Variants in RHCG observed in about 807,000 individuals in gnomAD.
RHCG encodes Rh family C glycoprotein, also known as ammonium transporter Rh type C.
RHCG carries 39 observed loss-of-function variants against 55.3 expected under a neutral mutation model. That is an observed-to-expected ratio of 0.70 (90% CI 0.55 to 0.92). The LOEUF is 0.92. Ranked by LOEUF, RHCG falls within the 40% of genes least tolerant of loss-of-function variation. RHCG has a pLI of 0.00. For synonymous variants in RHCG, 250 were observed against 246.8 expected, an observed-to-expected ratio of 1.01 and a Z score of -0.12; for missense variants, 635 against 627.9, an observed-to-expected ratio of 1.01 and a Z score of -0.12.
chr15:89,474,705 G>A (rs1961099195), intron 9 of RHCG, among the ~76,000 whole-genome samples: 1 of 152,200 alleles, frequency 6.6e-6, no homozygotes, highest in Admixed American at 6.5e-5. Context: ...TCAGTTGCCT[G>A]CCTGCTGCCT....
At chr15:89,476,297 CA>C (rs1427438534) in intron 9 of RHCG, among the ~76,000 whole-genome samples, 1 of 152,156 alleles carries the variant, frequency 6.6e-6, no homozygotes, top group Non-Finnish European at 1.5e-5. Flanking sequence ...CTCAAACCCC[CA>C]GGCTCAAGCT....
At chr15:89,487,668 T>C (rs1349047821) in intron 1 of RHCG, among the ~76,000 whole-genome samples, 1 of 152,194 alleles carries the variant, frequency 6.6e-6, no homozygotes, top group Non-Finnish European at 1.5e-5. Flanking sequence ...GGTGGATGAC[T>C]CTGGGAAAGT....
intron 2 of RHCG, 37 bp from the exon 3 acceptor site, chr15:89,483,254 T>C (rs4932134): frequency 0.22 from 329,563 of 1,467,340 alleles, 39,128 homozygotes; most frequent in African/African-American, 0.42. Context: ...GCTGGGGCAA[T>C]AGCAAAAAGT....
Position 89,477,590 on chromosome 15 carries a change from G to A in RHCG, c.1039C>T (p.Pro347Ser). The A allele has an allele frequency of 6.2e-7, 1 of 1,614,168 alleles. No homozygotes were observed. Among genetic ancestry groups the A allele is most frequent in the South Asian group, 1.1e-5 (1 of 91,080 alleles). Residue 347 changes from proline to serine, a missense_variant, in exon 7 of 11, where the codon CCT (proline) becomes TCT (serine). Coordinates refer to ENST00000268122, the MANE Select transcript of RHCG (RefSeq NM_016321.3). The surrounding 1 kb of genome is among the most constrained non-coding windows in gnomAD (Gnocchi z 4.5). The part of the protein sequence containing the change: ...TCGINNLHGI[P>S]GIIGGIVGAV... Reference sequence around the variant, plus strand: ...CCCACGATGCCGCCTATGATGCCAGGAATGCCATGCAGATTGTTAATGCCA... The same window carrying A: ...CCCACGATGCCGCCTATGATGCCAGAAATGCCATGCAGATTGTTAATGCCA...
rs1567223335 is a variant in RHCG, at chr15:89,472,830, C to T, written c.1345G>A (p.Glu449Lys). The T allele has an allele frequency of 1.9e-6, 3 of 1,545,436 alleles. No homozygotes were observed. Among genetic ancestry groups the T allele is most frequent in the South Asian group, 2.4e-5 (2 of 83,300 alleles). ...PEGNSTVYIPEDPTFKPSGPS... is the reference protein window; with the variant it reads ...PEGNSTVYIPKDPTFKPSGPS... ...CCTGAGGGCTTGAAGGTGGGGTCCTCAGGGATGTAGACAGTGCTGTTCCCT... is the reference window on the plus strand; with the variant it reads ...CCTGAGGGCTTGAAGGTGGGGTCCTTAGGGATGTAGACAGTGCTGTTCCCT... The change falls in exon 10 of 11, where the codon GAG becomes AAG. Residue 449 changes from glutamate to lysine, a missense_variant. Coordinates refer to ENST00000268122, the MANE Select transcript of RHCG (RefSeq NM_016321.3).
intron 3 of RHCG, among the ~76,000 whole-genome samples, 160 bp downstream of exon 3, chr15:89,482,907 G>A (rs1338638434): frequency 6.6e-6 from 1 of 152,200 alleles, no homozygotes; most frequent in Non-Finnish European, 1.5e-5. Context: ...CTGCCTGGTA[G>A]ATATTATTAC....
chr15:89,480,153 T>C (rs1961237517), intron 4 of RHCG, 108 bp downstream of exon 4: 2 of 1,448,742 alleles, frequency 1.4e-6, no homozygotes, highest in South Asian at 2.4e-5. Context: ...GGTCTGATCA[T>C]GGTGGCCTTC....
chr15:89,484,636 T>C (rs960586164), intron 2 of RHCG, among the ~76,000 whole-genome samples: 1 of 151,912 alleles, frequency 6.6e-6, no homozygotes, highest in African/African-American at 2.4e-5. Context: ...AAAAATTAGC[T>C]GGGCTTGGTG....
In RHCG at chr15:89,479,320, A is replaced by G. The variant is rs1365327664; in HGVS notation, c.837+2T>C. ...CCACACCCCCAACGCCCTCATGCTC[A>G]CCATGTCCAGCTTGCCCTTCTTGTG... On this transcript the variant is annotated splice_donor_variant, in intron 5 of 10. Transcript: ENST00000268122. LOFTEE classifies it high-confidence loss of function. 1.2e-6 allele frequency: 2 copies of G among 1,612,338 alleles called. No homozygotes were observed. The highest frequency in any genetic ancestry group is 1.7e-6 in the Non-Finnish European group (2 of 1,179,206).
intron 1 of RHCG, among the ~76,000 whole-genome samples, chr15:89,489,491 T>G (rs1170954743): frequency 1.3e-5 from 2 of 152,078 alleles, no homozygotes; most frequent in Non-Finnish European, 2.9e-5. Flanking sequence ...TATTTCCAAG[T>G]AAACAGTCAA....
At chr15:89,475,285 G>A (rs1338880413) in intron 9 of RHCG, among the ~76,000 whole-genome samples, 1 of 151,446 alleles carries the variant, frequency 6.6e-6, no homozygotes, top group African/African-American at 2.4e-5. Context: ...ATCCAGGCTG[G>A]AGGGCAGTGG....
chr15:89,484,688 G>A (rs529302009), intron 2 of RHCG, among the ~76,000 whole-genome samples: 4 of 150,950 alleles, frequency 2.6e-5, no homozygotes, highest in African/African-American at 9.8e-5. Context: ...GCTGAGGCAT[G>A]AGAATCACTT....
Position 89,477,269 on chromosome 15 carries a change from A to T in RHCG, c.1113-63T>A. On this transcript the variant is annotated intron_variant, in intron 7 of 10. Coordinates refer to ENST00000268122, the MANE Select transcript of RHCG (RefSeq NM_016321.3). The surrounding 1 kb of genome is among the most constrained non-coding windows in gnomAD (Gnocchi z 4.5). ...AGAGGCCAAGTAACAGCTTGCTGCC[A>T]CCCCAAAAATGTGACCGGGTACCAC... The T allele has an allele frequency of 4.4e-6, 7 of 1,599,600 alleles. No homozygotes were observed. The South Asian group carries it at 7.8e-5, about 18-fold the overall frequency.
rs572086279 is a variant in RHCG, at chr15:89,494,873, G to A, written c.184+1488C>T. ...TGAGGACCTGTGAACGCCCATGGGA[G>A]TTCTTGCCCCTTATGCTCTGGGGTC... On this transcript the variant is annotated intron_variant, in intron 1 of 10. Coordinates refer to ENST00000268122, the MANE Select transcript of RHCG (RefSeq NM_016321.3). 4.6e-5 allele frequency among the ~76,000 whole-genome samples: 7 copies of A among 152,224 alleles called. No homozygotes were observed. In the South Asian group the frequency reaches 1.5e-3, roughly 32 times the overall value.
intron 1 of RHCG, among the ~76,000 whole-genome samples, chr15:89,495,888 G>C (rs1056896866): frequency 2.6e-5 from 4 of 152,226 alleles, no homozygotes; most frequent in Admixed American, 1.3e-4. Flanking sequence ...AGAAGATTCA[G>C]GGGCGCTTGT....
intron 9 of RHCG, 128 bp downstream of exon 9, chr15:89,476,627 T>G: frequency 1.4e-6 from 1 of 718,250 alleles, no homozygotes; most frequent in Admixed American, 2.2e-5. Context: ...GATGAAGAAG[T>G]AGGGTAATGT....
rs184276709 is a variant in RHCG at position 89,483,102 on chromosome 15, C to A, written c.487G>T (p.Ala163Ser). 24 of 1,605,822 alleles carry A rather than the reference C, an allele frequency of 1.5e-5. No individual in the cohort carries two copies. In the African/African-American group the frequency reaches 3.1e-4, roughly 21 times the overall value. ...IMTFFQVTLF[A>S]VNEFILLNLL... is the part of the protein sequence containing the mutation. ...TTAAGGAGAATGAACTCATTCACAGCGAAGAGGGTCACTTGGAAGAAAGTC... is the reference window on the plus strand; with the variant it reads ...TTAAGGAGAATGAACTCATTCACAGAGAAGAGGGTCACTTGGAAGAAAGTC... The change falls in exon 3 of 11, where the codon GCT (alanine) becomes TCT (serine). Residue 163 changes from alanine to serine, a missense_variant. Physicochemically the swap from Ala to Ser is moderately conservative, Grantham distance 99 (BLOSUM62 1). Coordinates refer to ENST00000268122, the MANE Select transcript of RHCG (RefSeq NM_016321.3).
At position 89,472,714 on chromosome 15, in the gene RHCG, C is replaced by T. The variant is rs1481365142; in HGVS notation, c.*21G>A. 1 of 1,610,504 alleles carries T rather than the reference C, an allele frequency of 6.2e-7. No individual in the cohort carries two copies. Among genetic ancestry groups the T allele is most frequent in the Non-Finnish European group, 8.5e-7 (1 of 1,178,342 alleles). On this transcript the variant is annotated 3_prime_UTR_variant, in exon 10 of 11. Coordinates refer to ENST00000268122, the MANE Select transcript of RHCG (RefSeq NM_016321.3). ...CCCAAGCCAAGCCCATGCTCACCTG[C>T]TCCTCACCTGCCCTGGGAGCCTAGG...
rs573034872 is a variant in RHCG at position 89,483,845 on chromosome 15, G to A, written c.372-628C>T. ...AGGAAGGCCAGCAGGGAGGATGGAG[G>A]CAAAGGGGCAGGTACATAGGTCCTG... is the stretch of plus-strand genomic sequence containing the variant. On this transcript the variant is annotated intron_variant, in intron 2 of 10. Coordinates refer to ENST00000268122, the MANE Select transcript of RHCG (RefSeq NM_016321.3). Among the ~76,000 whole-genome samples the A allele has an allele frequency of 3.9e-3, 595 of 152,314 alleles. 3 individuals carry two copies. Among genetic ancestry groups the A allele is most frequent in the Non-Finnish European group, 7.1e-3 (483 of 68,022 alleles).
Sources: gnomAD v4.1 joint callset for allele counts (sites outside exome capture counted in the v4.1 genomes callset) on GRCh38, gnomAD v4.1.1 for gene constraint, Gnocchi (gnomAD v3.1) non-coding constraint, MANE v1.5 for transcripts, NCBI Gene and HGNC (gene_info 2026-07-23, HGNC 2026-07-21) for gene names.